The following CISH variants were observed in gnomAD, a reference collection of about 807,000 sequenced individuals.
The protein encoded by CISH is cytokine-inducible SH2-containing protein.
CISH carries 11 observed loss-of-function variants against 21.3 expected under a neutral mutation model. That is an observed-to-expected ratio of 0.52 (90% CI 0.32 to 0.85). The LOEUF (loss-of-function observed/expected upper bound fraction) is 0.85, where lower values mean the gene tolerates loss of function less well. CISH is among the 40% of genes least tolerant of loss of function. The pLI is 0.03. For synonymous variants in CISH, 118 were observed against 142.3 expected (o/e 0.83, Z 1.22); for missense variants, 280 against 351.7 (o/e 0.80, Z 1.63).
Position 50,607,719 on chromosome 3 carries a change from C to T in CISH, c.665G>A (p.Ser222Asn), listed in dbSNP as rs2032196036. The change falls in exon 3 of 3, where the codon AGC becomes AAC. Residue 222 changes from serine to asparagine, a missense_variant. Ser to Asn is a conservative substitution (Grantham distance 46). Transcript: ENST00000348721. Reference sequence around the variant, plus strand: ...GACAAGGCGGCACAGGTGTTGCAGGCTGCGGGCACTGCTTCTGCGTACAAA... The same window carrying T: ...GACAAGGCGGCACAGGTGTTGCAGGTTGCGGGCACTGCTTCTGCGTACAAA... The part of the protein sequence containing the change: ...QPFVRRSSAR[S>N]LQHLCRLVIN... 8 of 1,613,782 alleles carry T rather than the reference C, an allele frequency of 5.0e-6. No homozygotes were observed. The highest frequency in any genetic ancestry group is 1.7e-5 in the Admixed American group (1 of 60,006).
rs750482467 is a variant in CISH, at chr3:50,607,942, G to T, written c.442C>A (p.Pro148Thr). 8.1e-6 allele frequency: 13 copies of T among 1,613,976 alleles called. No homozygotes were observed. The highest frequency in any genetic ancestry group is 1.1e-5 in the Non-Finnish European group (13 of 1,180,018). ...ACATCCGGAAAGGCCAGGATGCGTG[G>T]CCTGGACAAGCAGTTGGAGTCCAGA... ...FRLDSNCLSRPRILAFPDVVS... is the reference protein window; with the variant it reads ...FRLDSNCLSRTRILAFPDVVS... The change falls in exon 3 of 3, where the codon CCA (proline) becomes ACA (threonine). Residue 148 changes from proline to threonine, a missense_variant. Coordinates refer to ENST00000348721, the MANE Select transcript of CISH (RefSeq NM_145071.4).
chr3:50,611,555 G>C, intron 1 of CISH, 76 bp downstream of exon 1: 1 of 1,522,712 alleles, frequency 6.6e-7, no homozygotes, highest in Non-Finnish European at 8.8e-7. Flanking sequence ...CCCAATGCCC[G>C]GCAGCTAGCA....
rs1034128799 is a variant in CISH at position 50,608,574 on chromosome 3, C to T, written c.40G>A (p.Val14Met). The T allele has an allele frequency of 1.3e-6, 2 of 1,543,392 alleles. No homozygotes were observed. Among genetic ancestry groups the T allele is most frequent in the Non-Finnish European group, 1.7e-6 (2 of 1,148,406 alleles). ...AGGGGCCGCTGCCCAGTCCGCTCCACAGCCAGCAAAGGACGAGGTCTAGAA... is the reference window on the plus strand; with the variant it reads ...AGGGGCCGCTGCCCAGTCCGCTCCATAGCCAGCAAAGGACGAGGTCTAGAA... Reference protein sequence around the residue: ...CVQGPRPLLAVERTGQRPLWA... With the variant: ...CVQGPRPLLAMERTGQRPLWA... The change falls in exon 2 of 3, where the codon GTG (valine) becomes ATG (methionine). Residue 14 changes from valine to methionine, a missense_variant. Val to Met is a conservative substitution (Grantham distance 21). Coordinates refer to ENST00000348721, the MANE Select transcript of CISH (RefSeq NM_145071.4).
intron 1 of CISH, chr3:50,609,261 G>A (rs2032252596): frequency 6.6e-6 from 1 of 152,246 alleles, no homozygotes; most frequent in African/African-American, 2.4e-5. Flanking sequence ...GGTCTGGGGT[G>A]GACAGTGGCC....
chr3:50,608,568 G>T lies in CISH; in HGVS notation c.46C>A (p.Arg16=). Reference sequence around the variant, plus strand: ...GCCCACAGGGGCCGCTGCCCAGTCCGCTCCACAGCCAGCAAAGGACGAGGT... The same window carrying T: ...GCCCACAGGGGCCGCTGCCCAGTCCTCTCCACAGCCAGCAAAGGACGAGGT... The part of the protein sequence containing the change: ...QGPRPLLAVE[R]TGQRPLWAPS... The change falls in exon 2 of 3, where the codon CGG becomes AGG. Residue 16 remains arginine (R), a synonymous_variant. Coordinates refer to ENST00000348721, the MANE Select transcript of CISH (RefSeq NM_145071.4). 1 of 1,550,754 alleles carries T rather than the reference G, an allele frequency of 6.4e-7. No individual in the cohort carries two copies. The highest frequency in any genetic ancestry group is 1.2e-5 in the South Asian group (1 of 81,594).
chr3:50,607,646 G>A lies in CISH; in HGVS notation c.738C>T (p.Arg246=). The A allele has an allele frequency of 6.2e-7, 1 of 1,613,592 alleles. No homozygotes were observed. The highest frequency in any genetic ancestry group is 8.5e-7 in the Non-Finnish European group (1 of 1,179,952). The change falls in exon 3 of 3, where the codon CGC becomes CGT. Residue 246 remains arginine, a synonymous_variant. Transcript: ENST00000348721. ...GGTACTGTCGGAGGTAGTCGGCCAT[G>A]CGCCGGGGCAGTGGCAGGCAGTCCA... ...ADVDCLPLPR[R]MADYLRQYPF...
rs1167081114 is a variant in CISH at position 50,606,588 on chromosome 3, A to AC, written c.*1018_*1019insG. On this transcript the variant is annotated 3_prime_UTR_variant, in exon 3 of 3. Transcript: ENST00000348721. ...AATCAGTGGAAGAGAAAAGACCACC[A>AC]AACTGTTCTTTGCTATAATTATTAT... The AC allele has an allele frequency of 3.9e-5, 6 of 152,356 alleles. No homozygotes were observed. Among genetic ancestry groups the AC allele is most frequent in the Middle Eastern group, 3.4e-3 (1 of 294 alleles). 9.4% of individuals were successfully genotyped at this position (152,356 alleles called of 1,614,324 possible).
In CISH at chr3:50,608,030, C is replaced by A. The variant is rs1256928440; in HGVS notation, c.354G>T (p.Leu118=). 6.2e-7 allele frequency: 1 copy of A among 1,613,892 alleles called. No homozygotes were observed. The highest frequency in any genetic ancestry group is 8.5e-7 in the Non-Finnish European group (1 of 1,180,006). Residue 118 remains leucine, a synonymous_variant, in exon 3 of 3, where the codon CTG becomes CTT. Coordinates refer to ENST00000348721, the MANE Select transcript of CISH (RefSeq NM_145071.4). ...DSTHPSYLFT[L]SVKTTRGPTN... ...TGGGGCCACGAGTGGTTTTCACTGACAGCGTGAACAGGTAGCTGGGGTGCG... is the reference window on the plus strand; with the variant it reads ...TGGGGCCACGAGTGGTTTTCACTGAAAGCGTGAACAGGTAGCTGGGGTGCG...
chr3:50,611,180 T>C, intron 1 of CISH: 1 of 1,009,368 alleles, frequency 9.9e-7, no homozygotes, highest in Non-Finnish European at 1.2e-6. Flanking sequence ...AAGAAGAGCC[T>C]ACTTGCTAGC....
chr3:50,607,328 C>G lies in CISH; in HGVS notation c.*279G>C, dbSNP rs2032182024. On this transcript the variant is annotated 3_prime_UTR_variant, in exon 3 of 3. Coordinates refer to ENST00000348721, the MANE Select transcript of CISH (RefSeq NM_145071.4). ...CAGGCAAGCGAGTGGAGGTCTGGGC[C>G]CAGCCCACAGGTGAGACAAGGTCCT... The G allele has an allele frequency of 6.5e-6, 3 of 461,674 alleles. No individual in the cohort carries two copies. In the East Asian group the frequency reaches 1.1e-4, roughly 17 times the overall value. The allele number at this position is 461,674 out of a possible 1,614,324, so 28.6% of individuals were successfully genotyped here.
At chr3:50,611,313 T>C in intron 1 of CISH, 1 of 1,301,558 alleles carries the variant, frequency 7.7e-7, no homozygotes, top group Non-Finnish European at 9.7e-7. Context: ...TCTGGGATTG[T>C]TGGCCACATC....
Position 50,607,939 on chromosome 3 carries a change from G to C in CISH, c.445C>G (p.Arg149Gly), listed in dbSNP as rs375441453. 1 of 1,613,962 alleles carries C rather than the reference G, an allele frequency of 6.2e-7. No homozygotes were observed. The highest frequency in any genetic ancestry group is 8.5e-7 in the Non-Finnish European group (1 of 1,180,012). ...RLDSNCLSRP[R>G]ILAFPDVVSL... is the part of the protein sequence containing the mutation. ...ACCACATCCGGAAAGGCCAGGATGC[G>C]TGGCCTGGACAAGCAGTTGGAGTCC... The change falls in exon 3 of 3, where the codon CGC becomes GGC. Residue 149 changes from arginine (R) to glycine (G), a missense_variant. Arg to Gly is a moderately radical substitution (Grantham distance 125, BLOSUM62 -2). Coordinates refer to ENST00000348721, the MANE Select transcript of CISH (RefSeq NM_145071.4).
Position 50,607,076 on chromosome 3 carries a change from G to A in CISH, c.*531C>T, listed in dbSNP as rs114038753. ...CAGGGCATAGAGGTGGGGTTGGCTC[G>A]CCCCTGACACCAACCCCAAGGAGAA... On this transcript the variant is annotated 3_prime_UTR_variant, in exon 3 of 3. Transcript: ENST00000348721. The A allele has an allele frequency of 9.8e-3, 1,513 of 154,524 alleles. 14 individuals carry two copies. Among genetic ancestry groups the A allele is most frequent in the Non-Finnish European group, 0.017 (1,161 of 69,416 alleles). 9.6% of individuals were successfully genotyped at this position (154,524 alleles called of 1,614,324 possible).
rs1352361549 is a variant in CISH at position 50,611,592 on chromosome 3, C to T, written c.20+39G>A. ...GAAGCCCCTGTTCTCCCGTGCGCCC[C>T]TCGTGGTGGCCGGGAAGGGGGCAGA... On this transcript the variant is annotated intron_variant, in intron 1 of 2. Coordinates refer to ENST00000348721, the MANE Select transcript of CISH (RefSeq NM_145071.4). 7 of 1,522,694 alleles carry T rather than the reference C, an allele frequency of 4.6e-6. No homozygotes were observed. In the Admixed American group the frequency reaches 1.2e-4, roughly 27 times the overall value. 94.3% of individuals were successfully genotyped at this position (1,522,694 alleles called of 1,614,324 possible). A position where few individuals can be genotyped will look rare whatever the true frequency, so the allele number is the denominator to read the frequency against.
intron 1 of CISH, 61 bp from the exon 2 acceptor site, chr3:50,608,654 C>A: frequency 8.1e-7 from 1 of 1,231,976 alleles, no homozygotes. Context: ...TCCAGAGACC[C>A]CCCTATGCCC....
At chr3:50,610,390 CA>C in intron 1 of CISH, 1 of 1,551,532 alleles carries the variant, frequency 6.4e-7, no homozygotes, top group Non-Finnish European at 8.7e-7. Flanking sequence ...GGGGTGTGTC[CA>C]TGGCTGTGTC....
chr3:50,610,098 C>G (rs1040813316), intron 1 of CISH: 2 of 490,098 alleles, frequency 4.1e-6, no homozygotes, highest in African/African-American at 3.9e-5. Context: ...CTTTTCCACA[C>G]CTACCCTGGC....
chr3:50,608,324 C>T (rs1006719247), intron 2 of CISH, 49 bp downstream of exon 2: 5 of 1,530,788 alleles, frequency 3.3e-6, no homozygotes, highest in Non-Finnish European at 4.4e-6. Context: ...AACTAAGCTT[C>T]TCCCACCAGA....
rs1177639835 is a variant in CISH, at chr3:50,611,651, G to A, written c.-1C>T. 6.7e-7 allele frequency: 1 copy of A among 1,493,264 alleles called. No individual in the cohort carries two copies. The highest frequency in any genetic ancestry group is 8.9e-7 in the Non-Finnish European group (1 of 1,121,550). 92.5% of individuals were successfully genotyped at this position (1,493,264 alleles called of 1,614,324 possible). ...CTTACCCCTGAACGCAGAGGACCATGTCCCCGCGGCAGCGGCGACTCCGGA... is the reference window on the plus strand; with the variant it reads ...CTTACCCCTGAACGCAGAGGACCATATCCCCGCGGCAGCGGCGACTCCGGA... On this transcript the variant is annotated 5_prime_UTR_variant, in exon 1 of 3. Coordinates refer to ENST00000348721, the MANE Select transcript of CISH (RefSeq NM_145071.4).
Sources: allele counts gnomAD v4.1 joint callset, GRCh38; gene constraint gnomAD v4.1.1; transcripts MANE v1.5; gene names NCBI Gene and HGNC (gene_info 2026-07-23, HGNC 2026-07-21).